The following GAN variants were observed in gnomAD, a reference collection of about 807,000 sequenced individuals.
The protein encoded by GAN is epididymis secretory sperm binding protein.
A neutral mutation model predicts 71.3 loss-of-function variants in GAN; 48 were observed. The ratio of observed to expected loss-of-function variants is 0.67; its 90% CI spans 0.53 to 0.86. The LOEUF (loss-of-function observed/expected upper bound fraction) is 0.86. Among genes scored for constraint, GAN ranks in the 40% least tolerant of loss-of-function variants. GAN has a pLI of 0.00. For missense variants in GAN, 928 were observed against 770.1 expected, an observed-to-expected ratio of 1.21 and a Z score of -2.43; for synonymous variants, 386 against 276.8, an observed-to-expected ratio of 1.39 and a Z score of -3.92.
intron 1 of GAN, among the ~76,000 whole-genome samples, chr16:81,316,271 T>C (rs1909036236): frequency 6.6e-6 from 1 of 152,134 alleles, no homozygotes; most frequent in Non-Finnish European, 1.5e-5. Flanking sequence ...TGGTAGAGAA[T>C]ATCACTACAA....
intron 1 of GAN, among the ~76,000 whole-genome samples, chr16:81,322,606 A>G (rs902648005): frequency 6.6e-6 from 1 of 152,242 alleles, no homozygotes; most frequent in African/African-American, 2.4e-5. Flanking sequence ...GGTTCTCTCA[A>G]CTACAAAGTT....
chr16:81,365,551 A>G, intron 9 of GAN, 73 bp downstream of exon 9: 1 of 1,466,652 alleles, frequency 6.8e-7, no homozygotes, highest in South Asian at 1.1e-5. Context: ...AGCTTTGTTT[A>G]GTTTTGTTTT....
rs1597417238 is a variant in GAN, at chr16:81,384,293, T to C, written c.*6697T>C. 6.8e-6 allele frequency: 1 copy of C among 146,042 alleles called. No homozygotes were observed. The highest frequency in any genetic ancestry group is 2.5e-5 in the African/African-American group (1 of 39,278). The allele number at this position is 146,042 out of a possible 1,614,324, so 9.0% of individuals were successfully genotyped here. ...ATTCTCTAAGGCCTGTTTTCCATTTTACTACTTAAAAAAAAAAAAAAAAGA... is the reference window on the plus strand; with the variant it reads ...ATTCTCTAAGGCCTGTTTTCCATTTCACTACTTAAAAAAAAAAAAAAAAGA... On this transcript the variant is annotated 3_prime_UTR_variant, in exon 11 of 11. Transcript: ENST00000648994.
intron 1 of GAN, among the ~76,000 whole-genome samples, chr16:81,350,760 C>T (rs545992821): frequency 6.6e-6 from 1 of 152,300 alleles, no homozygotes; most frequent in South Asian, 2.1e-4. Context: ...CTCAAGTGAG[C>T]TACCCACCTC....
chr16:81,322,113 A>G (rs540602895), intron 1 of GAN, among the ~76,000 whole-genome samples: 25 of 152,374 alleles, frequency 1.6e-4, no homozygotes, highest in African/African-American at 5.8e-4. Context: ...TGTTTGCTGC[A>G]TTCATTTCTC....
At chr16:81,360,003 T>C (rs576269402) in intron 5 of GAN, among the ~76,000 whole-genome samples, 6 of 151,140 alleles carry the variant, frequency 4.0e-5, no homozygotes, top group Admixed American at 2.7e-4. Flanking sequence ...ATATGTCTTT[T>C]TTTGATATAT....
Position 81,346,694 on chromosome 16 carries a change from C to G in GAN, c.168-4889C>G, listed in dbSNP as rs373854917. 1.1e-4 allele frequency among the ~76,000 whole-genome samples: 17 copies of G among 152,298 alleles called. 1 individual carries two copies. The highest frequency in any genetic ancestry group is 1.7e-4 in the African/African-American group (7 of 41,572). On this transcript the variant is annotated intron_variant, in intron 1 of 10. Transcript: ENST00000648994. ...GCCAAAAAGGTTGGGGACTGCTGCT[C>G]TAAGATGCCTGAGAAAGCTGTTCAT...
At chr16:81,315,351 G>A in intron 1 of GAN, 71 bp downstream of exon 1, 3 of 1,194,632 alleles carry the variant, frequency 2.5e-6, no homozygotes, top group African/African-American at 1.6e-5. Context: ...GCCGGGCCGG[G>A]CGTGGCCCCC....
rs1447013465 is a variant in GAN at position 81,386,127 on chromosome 16, C to G, written c.*8531C>G. On this transcript the variant is annotated 3_prime_UTR_variant, in exon 11 of 11. Coordinates refer to ENST00000648994, the MANE Select transcript of GAN (RefSeq NM_022041.4). Reference sequence around the variant, plus strand: ...TTAAATTCAACACAATTCTAGATAGCTGAAACAGCCCAAAATATGTGTTTA... The same window carrying G: ...TTAAATTCAACACAATTCTAGATAGGTGAAACAGCCCAAAATATGTGTTTA... 2 of 152,176 alleles carry G rather than the reference C, an allele frequency of 1.3e-5. No homozygotes were observed. The highest frequency in any genetic ancestry group is 2.9e-5 in the Non-Finnish European group (2 of 68,038). 9.4% of individuals were successfully genotyped at this position (152,176 alleles called of 1,614,324 possible).
chr16:81,365,726 G>T (rs1910834419), intron 9 of GAN, among the ~76,000 whole-genome samples: 1 of 151,208 alleles, frequency 6.6e-6, no homozygotes, highest in Non-Finnish European at 1.5e-5. Flanking sequence ...TCATTTATTG[G>T]CTCCCTATAG....
chr16:81,338,703 G>A (rs778247591), intron 1 of GAN, among the ~76,000 whole-genome samples: 1 of 152,214 alleles, frequency 6.6e-6, no homozygotes, highest in African/African-American at 2.4e-5. Flanking sequence ...AGTTTGTGTA[G>A]TTACTAAATT....
chr16:81,359,291 A>G (rs545013103), intron 5 of GAN, among the ~76,000 whole-genome samples: 7 of 152,252 alleles, frequency 4.6e-5, no homozygotes, highest in South Asian at 2.1e-4. Context: ...AAAGTTTGCT[A>G]GAGGGATTGG....
chr16:81,330,482 T>C (rs1258878986), intron 1 of GAN, among the ~76,000 whole-genome samples: 1 of 152,222 alleles, frequency 6.6e-6, no homozygotes, highest in Non-Finnish European at 1.5e-5. Flanking sequence ...CTACTCCAGA[T>C]AATAAGATAA....
In GAN at chr16:81,377,666, G is replaced by C; in HGVS notation, c.*70G>C. On this transcript the variant is annotated 3_prime_UTR_variant, in exon 11 of 11. Coordinates refer to ENST00000648994, the MANE Select transcript of GAN (RefSeq NM_022041.4). The stretch of plus-strand genomic sequence containing the variant: ...TAACATAGCTCCGAAAGGGAGAGCA[G>C]AGATGGCAGCTGAAACTCACTCTGT... 7 of 1,363,758 alleles carry C rather than the reference G, an allele frequency of 5.1e-6. No homozygotes were observed. Among genetic ancestry groups the C allele is most frequent in the Non-Finnish European group, 7.3e-6 (7 of 953,162 alleles). The allele number at this position is 1,363,758 out of a possible 1,614,324, so 84.5% of individuals were successfully genotyped here. A position where few individuals can be genotyped will look rare whatever the true frequency, so the allele number is the denominator to read the frequency against.
intron 1 of GAN, among the ~76,000 whole-genome samples, chr16:81,339,698 A>C (rs2150677011): frequency 6.6e-6 from 1 of 152,326 alleles, no homozygotes; most frequent in South Asian, 2.1e-4. Flanking sequence ...TTTACCTACA[A>C]AGAGGTAAGG....
chr16:81,364,786 A>G (rs1348917253), intron 7 of GAN, among the ~76,000 whole-genome samples, 188 bp from the exon 8 acceptor site: 2 of 152,222 alleles, frequency 1.3e-5, no homozygotes, highest in African/African-American at 2.4e-5. Context: ...GATTAAGAAT[A>G]TGTGTCTTAC....
chr16:81,329,486 CTCTT>C lies in GAN; in HGVS notation c.167+14208_167+14211del, dbSNP rs1909501847. ...ACCAGGCTTCTTGAAAGAAAAGTAT[CTCTT>C]TATCTTGTGCACAGTCTCAGCTCCT... On this transcript the variant is annotated intron_variant, in intron 1 of 10. Coordinates refer to ENST00000648994, the MANE Select transcript of GAN (RefSeq NM_022041.4). Among the ~76,000 whole-genome samples the C allele has an allele frequency of 3.3e-5, 5 of 152,310 alleles. No homozygotes were observed. The South Asian group carries it at 1.0e-3, about 32-fold the overall frequency.
At position 81,387,748 on chromosome 16, in the gene GAN, A is replaced by T. The variant is rs2608561; in HGVS notation, c.*10152A>T. ...GGAGAATCACTTGACCCCAGGAGGC[A>T]GAGGTTGAAGTGAGCCAGGATTGTG... On this transcript the variant is annotated 3_prime_UTR_variant, in exon 11 of 11. Coordinates refer to ENST00000648994, the MANE Select transcript of GAN (RefSeq NM_022041.4). The T allele has an allele frequency of 1.3e-5, 2 of 152,008 alleles. No individual in the cohort carries two copies. The highest frequency in any genetic ancestry group is 2.9e-5 in the Non-Finnish European group (2 of 68,050). 9.4% of individuals were successfully genotyped at this position (152,008 alleles called of 1,614,324 possible).
At chr16:81,367,368 C>CA (rs879560922) in intron 9 of GAN, among the ~76,000 whole-genome samples, 60 of 143,840 alleles carry the variant, frequency 4.2e-4, no homozygotes, top group Non-Finnish European at 5.5e-4. Context: ...ACTAAAAGTA[C>CA]AAAAAAAAAA....
Sources: allele counts gnomAD v4.1 joint callset (sites outside exome capture counted in the v4.1 genomes callset), GRCh38; gene constraint gnomAD v4.1.1; transcripts MANE v1.5; gene names NCBI Gene and HGNC (gene_info 2026-07-23, HGNC 2026-07-21).